Variants in ANO4 observed in about 807,000 individuals in gnomAD.
ANO4 encodes anoctamin 4.
In ANO4, 69 loss-of-function variants were observed where a neutral mutation model predicts 141.9. The ratio of observed to expected loss-of-function variants is 0.49; its 90% CI spans 0.40 to 0.59. ANO4 has a LOEUF of 0.59. ANO4 is among the 20% of genes least tolerant of loss of function. ANO4 has a pLI of 0.00. For missense variants in ANO4, 894 were observed against 1,162.2 expected (o/e 0.77, Z 3.36); for synonymous variants, 350 against 394.3 (o/e 0.89, Z 1.33).
chr12:101,019,457 G>C (rs963336343), intron 8 of ANO4, among the ~76,000 whole-genome samples: 1 of 152,044 alleles, frequency 6.6e-6, no homozygotes, highest in Admixed American at 6.5e-5. Flanking sequence ...CTTGCTGGGA[G>C]GCAAATCAAT....
At chr12:101,011,826 C>A (rs1042601651) in intron 8 of ANO4, among the ~76,000 whole-genome samples, 1 of 152,144 alleles carries the variant, frequency 6.6e-6, no homozygotes, top group African/African-American at 2.4e-5. Flanking sequence ...AATAATGTGA[C>A]TATAATTCTA....
At chr12:101,044,225 G>T (rs954853648) in intron 13 of ANO4, among the ~76,000 whole-genome samples, 1 of 151,990 alleles carries the variant, frequency 6.6e-6, no homozygotes, top group African/African-American at 2.4e-5. Context: ...GAGCTTTCTT[G>T]TCTCTAAAAT....
chr12:100,795,177 AG>A (rs575803284), intron 1 of ANO4, 150 bp downstream of exon 1: 103 of 152,798 alleles, frequency 6.7e-4, no homozygotes, highest in African/African-American at 2.5e-3. Context: ...CAAAAATGCC[AG>A]GGGTCATTTG....
chr12:100,964,019 C>T (rs1455935525), intron 5 of ANO4, among the ~76,000 whole-genome samples: 2 of 152,200 alleles, frequency 1.3e-5, no homozygotes, highest in Non-Finnish European at 2.9e-5. Context: ...AATGTGCCCA[C>T]AGATGGCAGA....
intron 9 of ANO4, among the ~76,000 whole-genome samples, chr12:101,030,457 C>G (rs1042925387): frequency 5.3e-5 from 8 of 152,152 alleles, no homozygotes; most frequent in Admixed American, 2.0e-4. Flanking sequence ...ATACCAGAAT[C>G]TCTGGGATAC....
At chr12:100,896,288 TATAAG>T (rs2040350444) in intron 1 of ANO4, among the ~76,000 whole-genome samples, 1 of 152,128 alleles carries the variant, frequency 6.6e-6, no homozygotes, top group Non-Finnish European at 1.5e-5. Flanking sequence ...CCAGCGTCCT[TATAAG>T]AGAGAGGCAG....
chr12:101,051,715 A>G (rs1478158887), intron 14 of ANO4, among the ~76,000 whole-genome samples: 1 of 152,224 alleles, frequency 6.6e-6, no homozygotes, highest in African/African-American at 2.4e-5. Flanking sequence ...CAGATAAGGA[A>G]ACTGCAGCAG....
chr12:100,923,879 G>C (rs952693417), intron 3 of ANO4, among the ~76,000 whole-genome samples: 5 of 152,124 alleles, frequency 3.3e-5, no homozygotes, highest in African/African-American at 1.2e-4. Context: ...GCATTTCTCT[G>C]ATGGCCAGTG....
intron 14 of ANO4, among the ~76,000 whole-genome samples, chr12:101,078,793 T>C (rs2049127675): frequency 6.6e-6 from 1 of 152,020 alleles, no homozygotes; most frequent in African/African-American, 2.4e-5. Flanking sequence ...CTTTAAAAAA[T>C]AAGTGCTTGC....
chr12:100,876,187 G>C (rs2039292672), intron 1 of ANO4, among the ~76,000 whole-genome samples: 1 of 149,642 alleles, frequency 6.7e-6, no homozygotes, highest in African/African-American at 2.5e-5. Context: ...TTTTGAGGCA[G>C]TGGAAACTTG....
At chr12:100,963,652 C>T (rs2043523566) in intron 5 of ANO4, among the ~76,000 whole-genome samples, 1 of 152,056 alleles carries the variant, frequency 6.6e-6, no homozygotes, top group African/African-American at 2.4e-5. Context: ...GACACGTGCC[C>T]TCATTTTTTA....
intron 3 of ANO4, among the ~76,000 whole-genome samples, chr12:100,935,867 T>G (rs942730673): frequency 2.0e-5 from 3 of 152,236 alleles, no homozygotes; most frequent in African/African-American, 7.2e-5. Flanking sequence ...GATTTTATTT[T>G]GTTTCTAAAA....
intron 1 of ANO4, among the ~76,000 whole-genome samples, chr12:100,879,990 A>C (rs186217361): frequency 1.3e-5 from 2 of 152,210 alleles, no homozygotes; most frequent in Non-Finnish European, 2.9e-5. Context: ...GGGATTTGTT[A>C]AAGTGGACCA....
At chr12:101,023,632 T>C (rs1341369087) in intron 9 of ANO4, among the ~76,000 whole-genome samples, 1 of 151,962 alleles carries the variant, frequency 6.6e-6, no homozygotes, top group East Asian at 1.9e-4. Context: ...GTGCCACTGC[T>C]CTCCAGCCTG....
chr12:100,992,707 A>G (rs970118413), intron 8 of ANO4, among the ~76,000 whole-genome samples: 3 of 152,224 alleles, frequency 2.0e-5, no homozygotes, highest in Admixed American at 6.5e-5. Flanking sequence ...GCCATAGGCC[A>G]TATCTGTTTT....
At chr12:100,903,169 A>C (rs1477796022) in intron 2 of ANO4, among the ~76,000 whole-genome samples, 6 of 152,150 alleles carry the variant, frequency 3.9e-5, no homozygotes, top group Admixed American at 3.9e-4. Context: ...TGAGGCCCTC[A>C]GTGACCTCCT....
chr12:101,008,952 A>G (rs1404831659), intron 8 of ANO4, among the ~76,000 whole-genome samples: 3 of 152,142 alleles, frequency 2.0e-5, no homozygotes, highest in African/African-American at 7.2e-5. Flanking sequence ...TTTCCTGTGT[A>G]TCATTTCTTA....
chr12:100,772,034 A>G (rs752505675), intron 3 of ANO4, among the ~76,000 whole-genome samples: 1 of 151,990 alleles, frequency 6.6e-6, no homozygotes, highest in Non-Finnish European at 1.5e-5. Context: ...TGGGAAACTG[A>G]CTCTTCCTGG....
chr12:100,895,146 AG>A (rs1047922637), intron 1 of ANO4, among the ~76,000 whole-genome samples: 41 of 119,246 alleles, frequency 3.4e-4, no homozygotes, highest in African/African-American at 1.1e-3. Flanking sequence ...TCCCTTCTAC[AG>A]GTTTTTTTTT....
Sources: allele counts gnomAD v4.1 joint callset (sites outside exome capture counted in the v4.1 genomes callset), GRCh38; gene constraint gnomAD v4.1.1; transcripts MANE v1.5; gene names NCBI Gene and HGNC (gene_info 2026-07-23, HGNC 2026-07-21).